GOLPH3L: variants seen among roughly 807,000 people sequenced by gnomAD.
GOLPH3L encodes golgi phosphoprotein 3 like.
A neutral mutation model predicts 30.3 loss-of-function variants in GOLPH3L; 22 were observed. The ratio of observed to expected loss-of-function variants is 0.73; its 90% CI spans 0.52 to 1.04. The LOEUF (loss-of-function observed/expected upper bound fraction) is 1.04. Among genes scored for constraint, GOLPH3L ranks in the 50% least tolerant of loss-of-function variants. The pLI, the probability that GOLPH3L is intolerant of heterozygous loss-of-function variation, is 0.00. For missense variants in GOLPH3L, 303 were observed against 345.8 expected, an observed-to-expected ratio of 0.88 and a Z score of 0.98; for synonymous variants, 120 against 128.2, an observed-to-expected ratio of 0.94 and a Z score of 0.43.
chr1:150,681,955 A>G (rs1338581284), intron 2 of GOLPH3L, among the ~76,000 whole-genome samples: 1 of 151,716 alleles, frequency 6.6e-6, no homozygotes, highest in Non-Finnish European at 1.5e-5. Flanking sequence ...AATCCCATCT[A>G]CTCTGGTAAC....
intron 2 of GOLPH3L, among the ~76,000 whole-genome samples, chr1:150,671,098 C>T (rs1323661331): frequency 6.6e-6 from 1 of 151,820 alleles, no homozygotes; most frequent in Non-Finnish European, 1.5e-5. Context: ...AAAAATTAGC[C>T]GGGCATGGTG....
At chr1:150,658,631 A>G (rs921141124) in intron 4 of GOLPH3L, among the ~76,000 whole-genome samples, 2 of 152,244 alleles carry the variant, frequency 1.3e-5, no homozygotes, top group African/African-American at 4.8e-5. Context: ...TTATGGAATC[A>G]TTACTGATTG....
chr1:150,685,669 C>T (rs114337070), intron 2 of GOLPH3L, among the ~76,000 whole-genome samples: 2,505 of 151,818 alleles, frequency 0.017, 80 homozygotes, highest in African/African-American at 0.057. Flanking sequence ...GGGTTGAGAT[C>T]GCACCGCTGC....
chr1:150,662,825 G>C (rs587733763), intron 3 of GOLPH3L, among the ~76,000 whole-genome samples: 2 of 152,292 alleles, frequency 1.3e-5, no homozygotes, highest in East Asian at 3.9e-4. Flanking sequence ...AAAGAAGCTG[G>C]TGATACCTAA....
chr1:150,667,741 C>T (rs1650542147), intron 2 of GOLPH3L, among the ~76,000 whole-genome samples: 1 of 151,784 alleles, frequency 6.6e-6, no homozygotes, highest in African/African-American at 2.4e-5. Flanking sequence ...TACAGGCGCC[C>T]GCCACCACAC....
At chr1:150,686,796 G>A (rs1316651339) in intron 2 of GOLPH3L, among the ~76,000 whole-genome samples, 1 of 152,084 alleles carries the variant, frequency 6.6e-6, no homozygotes, top group African/African-American at 2.4e-5. Context: ...TGCATTTGGG[G>A]ATTGGAAGAA....
chr1:150,661,875 C>G lies in GOLPH3L; in HGVS notation c.369G>C (p.Leu123=). 1 of 1,603,566 alleles carries G rather than the reference C, an allele frequency of 6.2e-7. No individual in the cohort carries two copies. The highest frequency in any genetic ancestry group is 1.3e-5 in the African/African-American group (1 of 74,812). Residue 123 remains leucine (L), a synonymous_variant, in exon 4 of 5, where the codon CTG becomes CTC. Transcript: ENST00000271732. ...TGGGTTCAGTTGCTTTGATGTGTTT[C>G]AGAGTTTCATCCAGTAAAACATCAC... ...PTGDVLLDET[L]KHIKATEPTE... is the part of the protein sequence containing the mutation.
In GOLPH3L at chr1:150,648,514, G is replaced by A; in HGVS notation, c.665C>T (p.Thr222Ile). Reference protein sequence around the residue: ...VNDPQRMDKRTLALLVLAHSS... With the variant: ...VNDPQRMDKRILALLVLAHSS... ...GTGGGCTAGCACCAGGAGTGCTAGTGTTCGCTTGTCCATACGCTGAGGGTC... is the reference window on the plus strand; with the variant it reads ...GTGGGCTAGCACCAGGAGTGCTAGTATTCGCTTGTCCATACGCTGAGGGTC... Residue 222 changes from threonine to isoleucine, a missense_variant, in exon 5 of 5, where the codon ACA (threonine) becomes ATA (isoleucine). Thr to Ile is a moderately conservative substitution (Grantham distance 89, BLOSUM62 -1). Transcript: ENST00000271732. 1 of 1,613,502 alleles carries A rather than the reference G, an allele frequency of 6.2e-7. No individual in the cohort carries two copies. Among genetic ancestry groups the A allele is most frequent in the South Asian group, 1.1e-5 (1 of 91,072 alleles).
At chr1:150,675,739 A>C (rs1310218571) in intron 2 of GOLPH3L, among the ~76,000 whole-genome samples, 1 of 136,350 alleles carries the variant, frequency 7.3e-6, no homozygotes, top group Non-Finnish European at 1.5e-5. Context: ...TCGCGCCACT[A>C]CACCCCAGCC....
chr1:150,672,417 T>C (rs1396962895), intron 2 of GOLPH3L, among the ~76,000 whole-genome samples: 2 of 152,170 alleles, frequency 1.3e-5, no homozygotes, highest in East Asian at 3.8e-4. Context: ...ACACAGCTCA[T>C]AAAGACATTT....
chr1:150,664,175 A>C (rs587706320), intron 2 of GOLPH3L, among the ~76,000 whole-genome samples: 1 of 151,800 alleles, frequency 6.6e-6, no homozygotes, highest in Non-Finnish European at 1.5e-5. Context: ...TTTTTAAAAA[A>C]AATTTTTTTG....
At position 150,694,865 on chromosome 1, in the gene GOLPH3L, G is replaced by GAA; in HGVS notation, c.-12-17_-12-16dup. On this transcript the variant is annotated splice_polypyrimidine_tract_variant and intron_variant, in intron 1 of 4. Transcript: ENST00000271732. ...CTCACCTGTTTCTGGAGGGAGTGGT[G>GAA]AAAAAAAAAATCCATATGTATGCTT... The GAA allele has an allele frequency of 1.2e-5, 17 of 1,392,410 alleles. No individual in the cohort carries two copies. The highest frequency in any genetic ancestry group is 7.5e-5 in the African/African-American group (5 of 66,942). The allele number at this position is 1,392,410 out of a possible 1,614,324, so 86.3% of individuals were successfully genotyped here. A position where few individuals can be genotyped will look rare whatever the true frequency, so the allele number is the denominator to read the frequency against.
At chr1:150,683,530 T>TA (rs1557788420) in intron 2 of GOLPH3L, among the ~76,000 whole-genome samples, 8 of 27,594 alleles carry the variant, frequency 2.9e-4, no homozygotes, top group African/African-American at 4.8e-4. Flanking sequence ...AGACTCTGTC[T>TA]CAAAAAAAAA....
At chr1:150,687,277 G>A (rs2101817448) in intron 2 of GOLPH3L, among the ~76,000 whole-genome samples, 1 of 152,128 alleles carries the variant, frequency 6.6e-6, no homozygotes, top group Middle Eastern at 3.4e-3. Context: ...GACTGTGACT[G>A]ATTTTAAAAA....
intron 2 of GOLPH3L, among the ~76,000 whole-genome samples, chr1:150,666,430 C>T (rs1487052476): frequency 3.9e-5 from 6 of 152,028 alleles, no homozygotes; most frequent in Admixed American, 1.3e-4. Context: ...CTGCAACCTC[C>T]GTCTCCCAGG....
intron 2 of GOLPH3L, among the ~76,000 whole-genome samples, chr1:150,692,147 TGA>T (rs1179320260): frequency 6.6e-6 from 1 of 152,118 alleles, no homozygotes; most frequent in Admixed American, 6.6e-5. Context: ...ATTGATAGTT[TGA>T]GAGATAAGAA....
At chr1:150,676,287 T>C (rs1382215131) in intron 2 of GOLPH3L, among the ~76,000 whole-genome samples, 3 of 152,058 alleles carry the variant, frequency 2.0e-5, no homozygotes, top group African/African-American at 4.8e-5. Context: ...GTTTCAAACA[T>C]ACACAAAGTA....
intron 4 of GOLPH3L, among the ~76,000 whole-genome samples, chr1:150,656,386 C>T (rs587771728): frequency 6.6e-6 from 1 of 152,218 alleles, no homozygotes; most frequent in South Asian, 2.1e-4. Flanking sequence ...TCTAGGCATC[C>T]CTACCTATGC....
chr1:150,690,289 CAT>C (rs587688846), intron 2 of GOLPH3L, among the ~76,000 whole-genome samples: 77 of 152,108 alleles, frequency 5.1e-4, no homozygotes, highest in Non-Finnish European at 8.7e-4. Flanking sequence ...TTGAAAGACA[CAT>C]AGTTTCTAAA....
Sources: allele counts gnomAD v4.1 joint callset (sites outside exome capture counted in the v4.1 genomes callset), GRCh38; gene constraint gnomAD v4.1.1; transcripts MANE v1.5; gene names NCBI Gene and HGNC (gene_info 2026-07-23, HGNC 2026-07-21).